Variants in NEDD4L observed in about 807,000 individuals in gnomAD.
NEDD4L encodes NEDD4 like E3 ubiquitin protein ligase, also known as E3 ubiquitin-protein ligase NEDD4-like.
NEDD4L carries 54 observed loss-of-function variants against 148.9 expected under a neutral mutation model. That is an observed-to-expected ratio of 0.36 (90% CI 0.29 to 0.45). The LOEUF is 0.45. Among genes scored for constraint, NEDD4L ranks in the 20% least tolerant of loss-of-function variants. NEDD4L has a pLI of 1.00. For synonymous variants in NEDD4L, 433 were observed against 440.7 expected, an observed-to-expected ratio of 0.98 and a Z score of 0.22; for missense variants, 856 against 1,233.8, an observed-to-expected ratio of 0.69 and a Z score of 4.59.
chr18:58,378,525 G>C (rs1243697033), intron 24 of NEDD4L, among the ~76,000 whole-genome samples: 1 of 152,230 alleles, frequency 6.6e-6, no homozygotes, highest in Non-Finnish European at 1.5e-5. Context: ...CAGGGACACA[G>C]AGGGGTGGCA....
At chr18:58,258,722 C>T (rs903442464) in intron 5 of NEDD4L, among the ~76,000 whole-genome samples, 12 of 152,070 alleles carry the variant, frequency 7.9e-5, no homozygotes, top group Admixed American at 5.2e-4. Context: ...TAAATTAGTA[C>T]GTGGTTAGTA....
intron 2 of NEDD4L, among the ~76,000 whole-genome samples, chr18:58,182,240 A>G (rs961377113): frequency 5.9e-5 from 9 of 152,072 alleles, no homozygotes; most frequent in African/African-American, 2.2e-4. Context: ...CACAGAGGAA[A>G]ATGCGGGGCG....
chr18:58,110,940 C>T (rs961254811), intron 1 of NEDD4L, among the ~76,000 whole-genome samples: 2 of 152,236 alleles, frequency 1.3e-5, no homozygotes, highest in African/African-American at 2.4e-5. Context: ...GAAACACACA[C>T]GCTTTCTTAA....
chr18:58,333,237 C>T (rs970817306), intron 11 of NEDD4L, among the ~76,000 whole-genome samples: 2 of 150,632 alleles, frequency 1.3e-5, no homozygotes, highest in African/African-American at 2.5e-5. Context: ...GAGATCATGC[C>T]ACTGCACTCC....
intron 1 of NEDD4L, among the ~76,000 whole-genome samples, chr18:58,102,135 G>T (rs1271767428): frequency 6.6e-6 from 1 of 151,880 alleles, no homozygotes; most frequent in East Asian, 1.9e-4. Context: ...TTGAATTAAG[G>T]TCGGGTATGT....
chr18:58,125,655 T>G (rs113721835), intron 1 of NEDD4L, among the ~76,000 whole-genome samples: 2,603 of 152,176 alleles, frequency 0.017, 29 homozygotes, highest in African/African-American at 0.026. Flanking sequence ...GAAATATAAT[T>G]TGGACCGCAA....
intron 11 of NEDD4L, among the ~76,000 whole-genome samples, chr18:58,333,040 G>A (rs1333678508): frequency 2.6e-5 from 4 of 152,112 alleles, no homozygotes; most frequent in African/African-American, 7.2e-5. Flanking sequence ...ACTTTGGGAG[G>A]CCGAGGTGGG....
chr18:58,291,598 A>G (rs1013121087), intron 5 of NEDD4L, among the ~76,000 whole-genome samples: 1 of 152,180 alleles, frequency 6.6e-6, no homozygotes, highest in African/African-American at 2.4e-5. Context: ...GCATATGACA[A>G]ATGCATTTTT....
rs79112239 is a variant in NEDD4L at position 58,264,109 on chromosome 18, A to C, written c.297+12055A>C. Among the ~76,000 whole-genome samples the C allele has an allele frequency of 8.7e-3, 1,329 of 152,230 alleles. 24 individuals carry two copies. The highest frequency in any genetic ancestry group is 0.013 in the Non-Finnish European group (913 of 67,964). ...CTTTAAATATTTTAATTTAGTTTGA[A>C]TATTTAAGTTGAATTAACCTCTTAC... On this transcript the variant is annotated intron_variant, in intron 5 of 30. Coordinates refer to ENST00000400345, the MANE Select transcript of NEDD4L (RefSeq NM_001144967.3).
intron 1 of NEDD4L, among the ~76,000 whole-genome samples, chr18:58,096,116 G>C (rs774592447): frequency 6.6e-6 from 1 of 152,012 alleles, no homozygotes; most frequent in African/African-American, 2.4e-5. Context: ...GATGAGCATG[G>C]TTTTCCTCAT....
chr18:58,208,309 G>A (rs1235803755), intron 2 of NEDD4L, among the ~76,000 whole-genome samples: 1 of 152,160 alleles, frequency 6.6e-6, no homozygotes, highest in South Asian at 2.1e-4. Flanking sequence ...CTAACTAACA[G>A]ATAAATTATT....
In NEDD4L at chr18:58,366,292, A is replaced by G; in HGVS notation, c.2063+64A>G. ...AGACAGTTGTATGAATTTAAACAGA[A>G]TGAAAGGATAAGCAGCTCATGAGTT... On this transcript the variant is annotated intron_variant, in intron 21 of 30. Coordinates refer to ENST00000400345, the MANE Select transcript of NEDD4L (RefSeq NM_001144967.3). This position sits in a 1 kb window ranked among gnomAD's most constrained non-coding sequence, Gnocchi z 4.2. 1.7e-6 allele frequency: 2 copies of G among 1,202,378 alleles called. No homozygotes were observed. The highest frequency in any genetic ancestry group is 2.3e-6 in the Non-Finnish European group (2 of 865,332). The allele number at this position is 1,202,378 out of a possible 1,614,324, so 74.5% of individuals were successfully genotyped here.
chr18:58,114,672 A>G (rs1032753742), intron 1 of NEDD4L, among the ~76,000 whole-genome samples: 1 of 59,912 alleles, frequency 1.7e-5, no homozygotes, highest in Non-Finnish European at 2.8e-5. Context: ...TATATCTCAT[A>G]GTCATAGTCC....
intron 2 of NEDD4L, among the ~76,000 whole-genome samples, chr18:58,180,919 TG>T (rs1007772867): frequency 9.2e-5 from 14 of 152,230 alleles, no homozygotes; most frequent in East Asian, 5.8e-4. Context: ...CGAGGTGTAT[TG>T]GGGGGGTTAC....
At chr18:58,255,710 G>C in intron 5 of NEDD4L, 1 of 1,232,464 alleles carries the variant, frequency 8.1e-7, no homozygotes. Flanking sequence ...AGACATCCTA[G>C]ACCAGGAGAG....
chr18:58,073,854 T>C (rs986944795), intron 1 of NEDD4L, among the ~76,000 whole-genome samples: 5 of 152,200 alleles, frequency 3.3e-5, no homozygotes, highest in African/African-American at 1.2e-4. Flanking sequence ...TTATGGTATA[T>C]GAAATCTCAA....
intron 24 of NEDD4L, among the ~76,000 whole-genome samples, chr18:58,382,524 A>C (rs1455137199): frequency 6.6e-6 from 1 of 152,200 alleles, no homozygotes; most frequent in Non-Finnish European, 1.5e-5. Flanking sequence ...TACAATGAGA[A>C]AAAAACATTT....
Position 58,346,347 on chromosome 18 carries a change from T to A in NEDD4L, c.1576-3190T>A, listed in dbSNP as rs556447750. ...GATTCTCAGATTAGGGATGCTGAAGTGGTAAGTATAACTGCAAATATTTTG... is the reference window on the plus strand; with the variant it reads ...GATTCTCAGATTAGGGATGCTGAAGAGGTAAGTATAACTGCAAATATTTTG... On this transcript the variant is annotated intron_variant, in intron 16 of 30. Transcript: ENST00000400345. Among the ~76,000 whole-genome samples, 26 of 152,340 alleles carry A rather than the reference T, an allele frequency of 1.7e-4. No homozygotes were observed. In the South Asian group the frequency reaches 5.4e-3, roughly 32 times the overall value.
At chr18:58,236,646 G>C (rs2046056315) in intron 2 of NEDD4L, among the ~76,000 whole-genome samples, 1 of 152,252 alleles carries the variant, frequency 6.6e-6, no homozygotes, top group Non-Finnish European at 1.5e-5. Context: ...ACCAGGCACG[G>C]TGCTGGCACC....
Sources: gnomAD v4.1 joint callset for allele counts (sites outside exome capture counted in the v4.1 genomes callset) on GRCh38, gnomAD v4.1.1 for gene constraint, Gnocchi (gnomAD v3.1) non-coding constraint, MANE v1.5 for transcripts, NCBI Gene and HGNC (gene_info 2026-07-23, HGNC 2026-07-21) for gene names.